The following ANKRD30A variants were observed in gnomAD, a reference collection of about 807,000 sequenced individuals.
ANKRD30A encodes ankyrin repeat domain 30A.
In ANKRD30A, 170 loss-of-function variants were observed where a neutral mutation model predicts 166.3. That is an observed-to-expected ratio of 1.02 (90% CI 0.90 to 1.16). ANKRD30A has a LOEUF of 1.16. Among genes scored for constraint, ANKRD30A ranks in the 50% most tolerant of loss-of-function variants. The pLI is 0.00. For missense variants in ANKRD30A, 1,630 were observed against 1,518.0 expected (o/e 1.07, Z -1.23); for synonymous variants, 564 against 508.9 (o/e 1.11, Z -1.46).
the ANKRD30A span, chr10:37,241,189 C>G: frequency 6.6e-6 from 1 of 151,502 alleles, no homozygotes; most frequent in Non-Finnish European, 1.5e-5. Context: ...GAACTAGAAT[C>G]TATATTTTCT....
the ANKRD30A span, among the ~76,000 whole-genome samples, chr10:37,245,169 C>G: frequency 6.6e-6 from 1 of 152,106 alleles, no homozygotes; most frequent in Non-Finnish European, 1.5e-5. Context: ...AGTTTAACAT[C>G]TATACTCAAG....
chr10:37,158,466 A>G (rs1838559121), intron 14 of ANKRD30A, 46 bp downstream of exon 14: 4 of 1,612,876 alleles, frequency 2.5e-6, no homozygotes, highest in Non-Finnish European at 3.4e-6. Context: ...TACATATTTT[A>G]TGAAGTATAC....
intron 31 of ANKRD30A, among the ~76,000 whole-genome samples, chr10:37,206,801 A>T (rs1842019137): frequency 6.6e-6 from 1 of 151,646 alleles, no homozygotes; most frequent in Non-Finnish European, 1.5e-5. Context: ...TCTCAAAAAA[A>T]ATAAAAATGA....
At chr10:37,183,608 T>G in intron 24 of ANKRD30A, among the ~76,000 whole-genome samples, 1 of 147,146 alleles carries the variant, frequency 6.8e-6, no homozygotes, top group Non-Finnish European at 1.5e-5. Context: ...GCTCTCTTTT[T>G]CCCTAGAGAG....
intron 5 of ANKRD30A, among the ~76,000 whole-genome samples, chr10:37,136,073 T>C (rs1836665954): frequency 6.6e-6 from 1 of 151,928 alleles, no homozygotes; most frequent in African/African-American, 2.4e-5. Context: ...ATCACAGGCG[T>C]CAGGCACTGC....
the ANKRD30A span, among the ~76,000 whole-genome samples, chr10:37,239,736 G>T: frequency 1.3e-5 from 2 of 152,032 alleles, no homozygotes; most frequent in South Asian, 2.1e-4. Flanking sequence ...AGCACTACAC[G>T]TGTATAGTCT....
intron 18 of ANKRD30A, 58 bp downstream of exon 18, chr10:37,165,213 A>C (rs918465070): frequency 1.4e-6 from 2 of 1,478,860 alleles, no homozygotes; most frequent in Non-Finnish European, 1.9e-6. Flanking sequence ...AAAACATAAA[A>C]TCAGATGCTT....
At position 37,149,953 on chromosome 10, in the gene ANKRD30A, C is replaced by G. The variant is rs377558375; in HGVS notation, c.1645+104C>G. Reference sequence around the variant, plus strand: ...TTATTTTTTTCAACTTTGATGAAAACATTTGATCTAGATAATGCCAATACT... The same window carrying G: ...TTATTTTTTTCAACTTTGATGAAAAGATTTGATCTAGATAATGCCAATACT... On this transcript the variant is annotated intron_variant, in intron 11 of 35. Transcript: ENST00000361713. 365 of 1,475,722 alleles carry G rather than the reference C, an allele frequency of 2.5e-4. 4 individuals carry two copies. The East Asian group carries it at 4.8e-3, about 19-fold the overall frequency. 91.4% of individuals were successfully genotyped at this position (1,475,722 alleles called of 1,614,324 possible).
downstream of ANKRD30A, among the ~76,000 whole-genome samples, chr10:37,233,924 CAT>C (rs543316234): frequency 7.9e-5 from 12 of 152,230 alleles, 1 homozygote; most frequent in African/African-American, 2.9e-4. Flanking sequence ...TCTAATCTAA[CAT>C]AAAATATGTT....
chr10:37,261,014 C>G, the ANKRD30A span, among the ~76,000 whole-genome samples: 1 of 152,018 alleles, frequency 6.6e-6, no homozygotes, highest in African/African-American at 2.4e-5. Flanking sequence ...TTTTAACAAA[C>G]TTGCACTTTA....
At chr10:37,226,640 G>T (rs1843167903) in intron 34 of ANKRD30A, among the ~76,000 whole-genome samples, 1 of 151,810 alleles carries the variant, frequency 6.6e-6, no homozygotes, top group Admixed American at 6.6e-5. Flanking sequence ...AATATTAATA[G>T]TGCTGCTATG....
chr10:37,197,557 CT>C, intron 29 of ANKRD30A, 77 bp downstream of exon 29: 1 of 1,597,284 alleles, frequency 6.3e-7, no homozygotes, highest in Middle Eastern at 2.3e-4. Context: ...ATCCCCAATG[CT>C]TTATTTTTTT....
At position 37,147,927 on chromosome 10, in the gene ANKRD30A, C is replaced by T. The variant is rs774410203; in HGVS notation, c.1543+470C>T. Among the ~76,000 whole-genome samples the T allele has an allele frequency of 2.6e-5, 4 of 152,280 alleles. No homozygotes were observed. The South Asian group carries it at 8.3e-4, about 32-fold the overall frequency. ...TATAGCTAAAGTTTTCTCACTTTTCCTGTCTTTCTCACTACTGGGAAGGCA... is the reference window on the plus strand; with the variant it reads ...TATAGCTAAAGTTTTCTCACTTTTCTTGTCTTTCTCACTACTGGGAAGGCA... On this transcript the variant is annotated intron_variant, in intron 9 of 35. Transcript: ENST00000361713.
intron 24 of ANKRD30A, among the ~76,000 whole-genome samples, chr10:37,178,019 G>A (rs1397864449): frequency 6.6e-6 from 1 of 150,858 alleles, no homozygotes; most frequent in Non-Finnish European, 1.5e-5. Flanking sequence ...AAAGAAGAAA[G>A]TAGTAATAGA....
At chr10:37,194,600 C>G (rs1029300385) in intron 27 of ANKRD30A, among the ~76,000 whole-genome samples, 6 of 152,090 alleles carry the variant, frequency 3.9e-5, no homozygotes, top group African/African-American at 1.4e-4. Context: ...CCGTCTCGGC[C>G]TCCCAAAGTA....
the ANKRD30A span, among the ~76,000 whole-genome samples, chr10:37,259,775 G>A: frequency 6.6e-6 from 1 of 152,170 alleles, no homozygotes; most frequent in Admixed American, 6.6e-5. Flanking sequence ...TATATGCAAG[G>A]TTCACAATAG....
At chr10:37,159,709 T>G (rs1011272124) in intron 15 of ANKRD30A, among the ~76,000 whole-genome samples, 36 of 152,274 alleles carry the variant, frequency 2.4e-4, no homozygotes, top group African/African-American at 3.8e-4. Flanking sequence ...TTTTTTGTTT[T>G]GTTTTGTTTT....
intron 11 of ANKRD30A, among the ~76,000 whole-genome samples, chr10:37,151,069 C>T (rs1292265830): frequency 7.7e-6 from 1 of 129,854 alleles, no homozygotes; most frequent in Non-Finnish European, 1.7e-5. Flanking sequence ...ATGCTAAGAT[C>T]AGAAGTTAAA....
At chr10:37,157,625 A>G (rs1838487271) in intron 13 of ANKRD30A, among the ~76,000 whole-genome samples, 2 of 152,100 alleles carry the variant, frequency 1.3e-5, no homozygotes, top group African/African-American at 2.4e-5. Flanking sequence ...CGCCCTCCTC[A>G]GCCTTCCAAA....
Sources: gnomAD v4.1 joint callset for allele counts (sites outside exome capture counted in the v4.1 genomes callset) on GRCh38, gnomAD v4.1.1 for gene constraint, MANE v1.5 for transcripts, NCBI Gene and HGNC (gene_info 2026-07-23, HGNC 2026-07-21) for gene names.